Variants in NUP188 observed in about 807,000 individuals in gnomAD.
NUP188 encodes nucleoporin NUP188.
Under a neutral mutation model 223.0 loss-of-function variants are expected in NUP188, and 97 were observed. That is an observed-to-expected ratio of 0.43 (90% confidence interval 0.37 to 0.51). NUP188 has a LOEUF of 0.51. Ranked by LOEUF, NUP188 falls within the 20% of genes least tolerant of loss-of-function variation. NUP188 has a pLI of 0.00. For synonymous variants in NUP188, 869 were observed against 828.0 expected, an observed-to-expected ratio of 1.05 and a Z score of -0.85; for missense variants, 1,947 against 2,175.6, an observed-to-expected ratio of 0.89 and a Z score of 2.09.
intron 9 of NUP188, 146 bp from the exon 10 acceptor site, chr9:128,969,254 C>T: frequency 1.7e-6 from 1 of 577,796 alleles, no homozygotes; most frequent in South Asian, 2.1e-5. Flanking sequence ...CCACCTCTGC[C>T]TCTCAAAGTG....
intron 2 of NUP188, 29 bp from the exon 3 acceptor site, chr9:128,952,744 A>C (rs1422755356): frequency 1.3e-6 from 2 of 1,583,610 alleles, no homozygotes; most frequent in Admixed American, 1.7e-5. Context: ...AAAATACTGC[A>C]TTTGTATAAT....
At chr9:128,952,131 C>T (rs1841797615) in intron 2 of NUP188, among the ~76,000 whole-genome samples, 1 of 152,108 alleles carries the variant, frequency 6.6e-6, no homozygotes, top group African/African-American at 2.4e-5. Flanking sequence ...GGGCCGGGCG[C>T]AGTGGCTCAC....
chr9:128,953,168 G>A (rs1288610138), intron 3 of NUP188, among the ~76,000 whole-genome samples: 2 of 152,170 alleles, frequency 1.3e-5, no homozygotes, highest in Non-Finnish European at 2.9e-5. Context: ...GTGGGAGATA[G>A]CAGTGAAGGA....
chr9:128,984,137 T>G (rs1564560018), intron 19 of NUP188, among the ~76,000 whole-genome samples: 1 of 143,944 alleles, frequency 6.9e-6, no homozygotes, highest in Non-Finnish European at 1.5e-5. Context: ...TTTTTTTTTT[T>G]TTTTTTGAGA....
At chr9:128,979,101 A>G (rs975877684) in intron 12 of NUP188, among the ~76,000 whole-genome samples, 161 bp from the exon 13 acceptor site, 1 of 152,152 alleles carries the variant, frequency 6.6e-6, no homozygotes, top group Non-Finnish European at 1.5e-5. Flanking sequence ...AAGAGGATTT[A>G]CTATGTTCCC....
intron 24 of NUP188, among the ~76,000 whole-genome samples, chr9:128,989,439 G>C (rs1198557469): frequency 6.6e-6 from 1 of 152,264 alleles, no homozygotes; most frequent in Middle Eastern, 3.4e-3. Flanking sequence ...AGTGGCTCAC[G>C]CTTTTAATCC....
At position 128,986,433 on chromosome 9, in the gene NUP188, C is replaced by A. The variant is rs545940758; in HGVS notation, c.2077-125C>A. On this transcript the variant is annotated intron_variant, in intron 20 of 43. Coordinates refer to ENST00000372577, the MANE Select transcript of NUP188 (RefSeq NM_015354.3). ...AGGACTTTTGATGTTTCTTTTTTTT[C>A]ATTGATGACCAAGGTTTGCCTAGAT... 3.2e-4 allele frequency: 315 copies of A among 991,210 alleles called. 1 individual carries two copies. In the African/African-American group the frequency reaches 4.1e-3, roughly 13 times the overall value. 61.4% of individuals were successfully genotyped at this position (991,210 alleles called of 1,614,324 possible).
At chr9:128,947,955 CG>C in intron 1 of NUP188, 2 of 406,538 alleles carry the variant, frequency 4.9e-6, no homozygotes, top group Non-Finnish European at 8.5e-6. Context: ...GGAGGGGGGC[CG>C]GCTCTTCACC....
chr9:128,966,446 G>A (rs1016441846), intron 8 of NUP188, among the ~76,000 whole-genome samples: 13 of 151,440 alleles, frequency 8.6e-5, no homozygotes, highest in African/African-American at 2.9e-4. Context: ...GCACAATCAC[G>A]GCTCACTGCA....
In NUP188 at chr9:128,949,749, C is replaced by T. The variant is rs191967965; in HGVS notation, c.87+506C>T. ...GTTCAAGCGATTTTCCTGCCACAGC[C>T]TCCCGAGTAGCTGAGATTACAGGTG... On this transcript the variant is annotated intron_variant, in intron 2 of 43. Coordinates refer to ENST00000372577, the MANE Select transcript of NUP188 (RefSeq NM_015354.3). Among the ~76,000 whole-genome samples, 36 of 152,166 alleles carry T rather than the reference C, an allele frequency of 2.4e-4. No homozygotes were observed. In the East Asian group the frequency reaches 6.2e-3, roughly 26 times the overall value.
intron 38 of NUP188, chr9:129,004,880 C>T: frequency 5.6e-6 from 3 of 539,134 alleles, no homozygotes; most frequent in Non-Finnish European, 1.0e-5. Context: ...GTCCTGAGCC[C>T]TGCTGGCCCA....
At chr9:128,967,698 G>C (rs1842050332) in intron 8 of NUP188, among the ~76,000 whole-genome samples, 1 of 152,070 alleles carries the variant, frequency 6.6e-6, no homozygotes, top group African/African-American at 2.4e-5. Context: ...GCTGAGGCAG[G>C]AGAATTGCTT....
rs751808779 is a variant in NUP188 at position 128,968,507 on chromosome 9, CAG to C, written c.590_591del (p.Glu197AlafsTer29). 2 of 1,613,184 alleles carry C rather than the reference CAG, an allele frequency of 1.2e-6. No homozygotes were observed. The highest frequency in any genetic ancestry group is 1.7e-6 in the Non-Finnish European group (2 of 1,179,228). On this transcript the variant is annotated frameshift_variant and splice_region_variant, in exon 9 of 44. Transcript: ENST00000372577. LOFTEE classifies it high-confidence loss of function. ...ATTTTGTTTTCATTGGTTGTACAGA[CAG>C]AGCGCCAAGTGTCTCGCTGGTTTGT...
rs1028367158 is a variant in NUP188, at chr9:128,978,339, G to A, written c.1204-923G>A. ...AGCACTTTGGGAGGCTGAGGCGGGC[G>A]GATCACGAGGTCAGGAGATCGAGAC... On this transcript the variant is annotated intron_variant, in intron 12 of 43. Transcript: ENST00000372577. 3.3e-5 allele frequency among the ~76,000 whole-genome samples: 5 copies of A among 151,974 alleles called. No individual in the cohort carries two copies. In the South Asian group the frequency reaches 6.2e-4, roughly 19 times the overall value.
Position 128,998,219 on chromosome 9 carries a change from C to CAAAGCA in NUP188, c.3421_3426dup (p.Lys1141_Ala1142dup). 6.2e-7 allele frequency: 1 copy of CAAAGCA among 1,612,634 alleles called. No homozygotes were observed. The highest frequency in any genetic ancestry group is 8.5e-7 in the Non-Finnish European group (1 of 1,178,640). ...TCTTTCTTGACGTGCTTGATGGAACCAAAGCATTAGTAAGTGTGTCTGGGA... is the reference window on the plus strand; with the variant it reads ...TCTTTCTTGACGTGCTTGATGGAACCAAAGCAAAAGCATTAGTAAGTGTGTCTGGGA... On this transcript the variant is annotated inframe_insertion, in exon 31 of 44. Transcript: ENST00000372577.
intron 8 of NUP188, among the ~76,000 whole-genome samples, chr9:128,962,022 C>T (rs1273889362): frequency 6.6e-6 from 1 of 151,494 alleles, no homozygotes; most frequent in Non-Finnish European, 1.5e-5. Context: ...CCACAGTCTC[C>T]ACCTCCTGGG....
intron 12 of NUP188, among the ~76,000 whole-genome samples, chr9:128,976,093 G>C (rs539353175): frequency 6.6e-6 from 1 of 152,230 alleles, no homozygotes; most frequent in African/African-American, 2.4e-5. Flanking sequence ...AGAGTGCTTG[G>C]GTTATAGGTG....
chr9:128,958,036 C>G lies in NUP188; in HGVS notation c.354C>G (p.Ser118Arg). 6.2e-7 allele frequency: 1 copy of G among 1,613,008 alleles called. No individual in the cohort carries two copies. The highest frequency in any genetic ancestry group is 1.1e-5 in the South Asian group (1 of 90,842). ...CAGTACTGCAAGATGAGAGGCAGAG[C>G]CAGGCCTTAATCCTGAAGGTCAGTA... ...VKTVLQDERQ[S>R]QALILKIADY... The change falls in exon 6 of 44, where the codon AGC becomes AGG. Residue 118 changes from serine (S) to arginine (R), a missense_variant. Coordinates refer to ENST00000372577, the MANE Select transcript of NUP188 (RefSeq NM_015354.3).
intron 10 of NUP188, among the ~76,000 whole-genome samples, chr9:128,970,128 A>G (rs978837212): frequency 1.3e-5 from 2 of 151,850 alleles, no homozygotes; most frequent in Non-Finnish European, 2.9e-5. Context: ...GGGTTTCACT[A>G]TGTTGGCCAG....
Sources: gnomAD v4.1 joint callset for allele counts (sites outside exome capture counted in the v4.1 genomes callset) on GRCh38, gnomAD v4.1.1 for gene constraint, MANE v1.5 for transcripts, NCBI Gene and HGNC (gene_info 2026-07-23, HGNC 2026-07-21) for gene names.